Variants in PTPRD observed in about 807,000 individuals in gnomAD.
PTPRD encodes the protein receptor-type tyrosine-protein phosphatase delta.
In PTPRD, 34 loss-of-function variants were observed where a neutral mutation model predicts 214.5. The observed-to-expected ratio is 0.16, with a 90% CI of 0.12 to 0.21. The LOEUF (loss-of-function observed/expected upper bound fraction) is 0.21, where lower values mean the gene tolerates loss of function less well. Ranked by LOEUF, PTPRD falls within the 10% of genes least tolerant of loss-of-function variation. The pLI is 1.00. For synonymous variants in PTPRD, 1,128 were observed against 845.7 expected (o/e 1.33, Z -5.79); for missense variants, 2,545 against 2,398.7 (o/e 1.06, Z -1.27).
intron 11 of PTPRD, among the ~76,000 whole-genome samples, chr9:8,937,619 T>C (rs116317641): frequency 0.032 from 4,930 of 152,254 alleles, 260 homozygotes; most frequent in African/African-American, 0.11. Flanking sequence ...CAGCTTGGAA[T>C]GTTTTTCTCT....
At chr9:9,543,851 C>T (rs1332232461) in intron 8 of PTPRD, among the ~76,000 whole-genome samples, 2 of 151,624 alleles carry the variant, frequency 1.3e-5, no homozygotes, top group South Asian at 2.1e-4. Flanking sequence ...CAAAACAATA[C>T]GTGCTTAACT....
intron 8 of PTPRD, among the ~76,000 whole-genome samples, chr9:9,526,571 A>C (rs28695867): frequency 0.025 from 3,757 of 152,298 alleles, 66 homozygotes; most frequent in Non-Finnish European, 0.04. Flanking sequence ...GAATGATAGA[A>C]AGTTATCAGA....
chr9:10,384,091 A>G (rs1223006595), intron 2 of PTPRD, among the ~76,000 whole-genome samples: 1 of 150,074 alleles, frequency 6.7e-6, no homozygotes, highest in East Asian at 2.0e-4. Flanking sequence ...AAAAAAAAAT[A>G]GAAAAAGACC....
intron 9 of PTPRD, among the ~76,000 whole-genome samples, chr9:9,205,656 T>A (rs2099944397): frequency 6.6e-6 from 1 of 152,202 alleles, no homozygotes; most frequent in Non-Finnish European, 1.5e-5. Context: ...TTTTAGTTTT[T>A]ATCATTTTGC....
intron 35 of PTPRD, among the ~76,000 whole-genome samples, chr9:8,414,914 GGAGAGAGAGGGAGGGGGAGA>G (rs1795597019): frequency 5.4e-5 from 6 of 110,402 alleles, no homozygotes; most frequent in Non-Finnish European, 9.2e-5. Flanking sequence ...GGAGGGAGGG[GGAGAGAGAGGGAGGGGGAGA>G]GAGAGAGAGA....
intron 11 of PTPRD, among the ~76,000 whole-genome samples, chr9:8,916,758 A>C (rs2098788854): frequency 6.6e-6 from 1 of 152,242 alleles, no homozygotes; most frequent in African/African-American, 2.4e-5. Flanking sequence ...CTAGAAAACC[A>C]TTCACAACTC....
At chr9:8,504,214 C>A (rs764733777) in intron 23 of PTPRD, 47 bp downstream of exon 23, 4 of 1,603,164 alleles carry the variant, frequency 2.5e-6, no homozygotes, top group Non-Finnish European at 2.6e-6. Context: ...AGCAACATCT[C>A]CCCGAGGAAA....
intron 8 of PTPRD, among the ~76,000 whole-genome samples, chr9:9,554,775 C>A (rs1463190808): frequency 1.3e-5 from 2 of 152,000 alleles, no homozygotes; most frequent in African/African-American, 2.4e-5. Flanking sequence ...ACGCAGGAAA[C>A]TTAGACTTAA....
Position 8,362,316 on chromosome 9 carries a change from G to A in PTPRD, c.4661+13620C>T, listed in dbSNP as rs1258373828. Among the ~76,000 whole-genome samples, 4 of 152,168 alleles carry A rather than the reference G, an allele frequency of 2.6e-5. No individual in the cohort carries two copies. The East Asian group carries it at 7.7e-4, about 29-fold the overall frequency. On this transcript the variant is annotated intron_variant, in intron 39 of 45. Coordinates refer to ENST00000381196, the MANE Select transcript of PTPRD (RefSeq NM_002839.4). ...ACTATTGTACCCTACAAACCAATAA[G>A]TTTGAGTTTAATTGAACCAAGATAG...
intron 11 of PTPRD, among the ~76,000 whole-genome samples, chr9:8,780,314 C>T (rs150024044): frequency 6.1e-4 from 93 of 152,184 alleles, no homozygotes; most frequent in Middle Eastern, 3.4e-3. Flanking sequence ...CCCTTTTCCC[C>T]GAGAGTAGGT....
At chr9:8,410,374 C>T (rs936021529) in intron 35 of PTPRD, among the ~76,000 whole-genome samples, 11 of 152,118 alleles carry the variant, frequency 7.2e-5, no homozygotes, top group South Asian at 2.1e-4. Flanking sequence ...TAGCTCTGGC[C>T]GGTCAGGTAA....
chr9:10,411,525 C>T (rs573051342), intron 2 of PTPRD, among the ~76,000 whole-genome samples: 1 of 151,814 alleles, frequency 6.6e-6, no homozygotes, highest in South Asian at 2.1e-4. Flanking sequence ...GTGTTGGAAA[C>T]CTGTGTCTTA....
chr9:10,327,448 A>G (rs2154432106), intron 3 of PTPRD, among the ~76,000 whole-genome samples: 1 of 151,476 alleles, frequency 6.6e-6, no homozygotes, highest in South Asian at 2.1e-4. Context: ...TAATTAAAGG[A>G]ATTATTGTAA....
chr9:8,502,567 A>G (rs2097433683), intron 23 of PTPRD, among the ~76,000 whole-genome samples: 1 of 152,050 alleles, frequency 6.6e-6, no homozygotes, highest in Non-Finnish European at 1.5e-5. Flanking sequence ...CTAGAATCTC[A>G]TTTTTATTGA....
intron 5 of PTPRD, among the ~76,000 whole-genome samples, chr9:9,862,497 C>T (rs184990243): frequency 1.3e-5 from 2 of 152,310 alleles, no homozygotes; most frequent in East Asian, 1.9e-4. Flanking sequence ...AGAGGTTTCT[C>T]AAAGCTTTTT....
chr9:8,522,228 G>C (rs1209103977), intron 19 of PTPRD, among the ~76,000 whole-genome samples: 1 of 152,216 alleles, frequency 6.6e-6, no homozygotes, highest in South Asian at 2.1e-4. Context: ...GCATGCACAA[G>C]ATGGAATCTC....
At chr9:8,418,633 G>A (rs1483768705) in intron 35 of PTPRD, among the ~76,000 whole-genome samples, 1 of 151,396 alleles carries the variant, frequency 6.6e-6, no homozygotes, top group Non-Finnish European at 1.5e-5. Flanking sequence ...TTCAAGGTTG[G>A]GAAACTTATT....
At chr9:8,431,022 G>T (rs529076073) in intron 35 of PTPRD, among the ~76,000 whole-genome samples, 5 of 152,148 alleles carry the variant, frequency 3.3e-5, no homozygotes, top group Admixed American at 2.6e-4. Context: ...CTGTAGTACT[G>T]TAGTGGATAA....
chr9:8,783,329 G>A (rs764341413), intron 11 of PTPRD, among the ~76,000 whole-genome samples: 12 of 152,116 alleles, frequency 7.9e-5, no homozygotes, highest in Non-Finnish European at 1.6e-4. Flanking sequence ...ACTTTTCCTA[G>A]TATTAGTAAC....
Sources: allele counts gnomAD v4.1 joint callset (sites outside exome capture counted in the v4.1 genomes callset), GRCh38; gene constraint gnomAD v4.1.1; transcripts MANE v1.5; gene names NCBI Gene and HGNC (gene_info 2026-07-23, HGNC 2026-07-21).